The following GABRA3 variants were observed in gnomAD, a reference collection of about 807,000 sequenced individuals.
The protein encoded by GABRA3 is gamma-aminobutyric acid type A receptor subunit alpha3.
A neutral mutation model predicts 30.1 loss-of-function variants in GABRA3; 10 were observed. The observed-to-expected ratio is 0.33, with a 90% CI of 0.20 to 0.56. The LOEUF (loss-of-function observed/expected upper bound fraction) is 0.56, where lower values mean the gene tolerates loss of function less well. Among genes scored for constraint, GABRA3 ranks in the 20% least tolerant of loss-of-function variants. The pLI is 0.89. For missense variants in GABRA3, 233 were observed against 392.0 expected (o/e 0.59, Z 3.42); for synonymous variants, 151 against 146.8 (o/e 1.03, Z -0.21).
intron 1 of GABRA3, among the ~76,000 whole-genome samples, chrX:152,407,107 C>T (rs1438392050): frequency 9.0e-6 from 1 of 111,420 alleles, no homozygotes; most frequent in Admixed American, 9.5e-5. Flanking sequence ...AAGTTTTTAG[C>T]ATAAACACCT....
chrX:152,389,199 C>T (rs974962108), intron 1 of GABRA3: 2 of 111,882 alleles, frequency 1.8e-5, no homozygotes, highest in Non-Finnish European at 3.8e-5. Flanking sequence ...AAAAGAAAAC[C>T]TCGGCATAGA....
chrX:152,414,654 A>G, intron 1 of GABRA3, among the ~76,000 whole-genome samples: 1 of 110,654 alleles, frequency 9.0e-6, no homozygotes, highest in Non-Finnish European at 1.9e-5. Flanking sequence ...ACATACTTTT[A>G]CCATATGATC....
intron 3 of GABRA3, among the ~76,000 whole-genome samples, chrX:152,329,318 G>A (rs991557011): frequency 6.3e-5 from 7 of 111,475 alleles, no homozygotes; most frequent in East Asian, 2.8e-4. Flanking sequence ...GCTACCAATG[G>A]CTTTCTTCAC....
At chrX:152,265,098 C>T (rs1194665406) in intron 4 of GABRA3, among the ~76,000 whole-genome samples, 1 of 111,252 alleles carries the variant, frequency 9.0e-6, no homozygotes, top group Non-Finnish European at 1.9e-5. Flanking sequence ...TCCAGACAGA[C>T]AATCATCACA....
At chrX:152,338,752 T>C (rs1211077086) in intron 3 of GABRA3, among the ~76,000 whole-genome samples, 1 of 112,281 alleles carries the variant, frequency 8.9e-6, no homozygotes, top group African/African-American at 3.2e-5. Context: ...TGCATATAAT[T>C]ATCCAGTTTT....
Position 152,429,418 on chromosome X carries a change from G to A in GABRA3, c.-27+21728C>T, listed in dbSNP as rs188850713. On this transcript the variant is annotated intron_variant, in intron 1 of 9. Coordinates refer to ENST00000370314, the MANE Select transcript of GABRA3 (RefSeq NM_000808.4). The stretch of plus-strand genomic sequence containing the variant: ...CAACCAGAGGGGGCCATAAAAATGC[G>A]AATCAGATTGCTTTACTCCCTTGCT... Among the ~76,000 whole-genome samples the A allele has an allele frequency of 4.3e-3, 477 of 110,541 alleles. 2 individuals are homozygous for A. Among genetic ancestry groups the A allele is most frequent in the African/African-American group, 0.015 (457 of 30,344 alleles).
At chrX:152,432,884 A>C (rs1930681302) in intron 1 of GABRA3, among the ~76,000 whole-genome samples, 1 of 111,143 alleles carries the variant, frequency 9.0e-6, no homozygotes, top group African/African-American at 3.3e-5. Flanking sequence ...ATGATCTGTA[A>C]TCAAGCAGAT....
At chrX:152,424,513 C>T (rs772602719) in intron 1 of GABRA3, among the ~76,000 whole-genome samples, 21 of 111,566 alleles carry the variant, frequency 1.9e-4, no homozygotes, top group Non-Finnish European at 3.2e-4. Context: ...CATTTCATAA[C>T]CTGATTTGTC....
At chrX:152,341,680 C>T in intron 3 of GABRA3, among the ~76,000 whole-genome samples, 1 of 106,510 alleles carries the variant, frequency 9.4e-6, no homozygotes, top group Middle Eastern at 5.0e-3. Context: ...GCTGGGACTA[C>T]AGGCACACAC....
chrX:152,333,637 C>T (rs958793987), intron 3 of GABRA3, among the ~76,000 whole-genome samples: 2 of 111,468 alleles, frequency 1.8e-5, no homozygotes, highest in Non-Finnish European at 3.8e-5. Context: ...TGCCCTAATC[C>T]TCCTATATTG....
At chrX:152,402,002 C>A (rs1016836513) in intron 1 of GABRA3, among the ~76,000 whole-genome samples, 2 of 111,802 alleles carry the variant, frequency 1.8e-5, no homozygotes, top group Non-Finnish European at 3.8e-5. Flanking sequence ...CACCCACATA[C>A]CCCTCCCAAT....
At chrX:152,406,200 G>A (rs950344519) in intron 1 of GABRA3, among the ~76,000 whole-genome samples, 4 of 110,204 alleles carry the variant, frequency 3.6e-5, no homozygotes, top group African/African-American at 1.3e-4. Context: ...GAAAACAAAC[G>A]ACAAAATGGC....
At chrX:152,329,695 T>A (rs758501865) in intron 3 of GABRA3, among the ~76,000 whole-genome samples, 17 of 111,871 alleles carry the variant, frequency 1.5e-4, no homozygotes, top group Non-Finnish European at 2.8e-4. Flanking sequence ...CAAAAATTAA[T>A]TCAGGATGGA....
At chrX:152,233,763 A>T (rs1410126527) in intron 5 of GABRA3, among the ~76,000 whole-genome samples, 1 of 104,567 alleles carries the variant, frequency 9.6e-6, no homozygotes. Flanking sequence ...TTATTGCGGC[A>T]TTATTCACAA....
At chrX:152,352,435 T>A (rs150836754) in intron 2 of GABRA3, among the ~76,000 whole-genome samples, 56 of 111,823 alleles carry the variant, frequency 5.0e-4, no homozygotes, top group African/African-American at 1.8e-3. Flanking sequence ...CATTATCTTT[T>A]AGGCAATGGG....
chrX:152,228,249 T>C (rs1429854040), intron 5 of GABRA3, among the ~76,000 whole-genome samples: 1 of 112,038 alleles, frequency 8.9e-6, no homozygotes. Flanking sequence ...AGCATTGACA[T>C]GTTTAAGAAC....
chrX:152,229,397 C>T (rs1274714345), intron 5 of GABRA3, among the ~76,000 whole-genome samples: 1 of 110,968 alleles, frequency 9.0e-6, no homozygotes, highest in Non-Finnish European at 1.9e-5. Flanking sequence ...CCCTTCTCCC[C>T]CACATACATA....
At chrX:152,413,923 A>C (rs1930138885) in intron 1 of GABRA3, among the ~76,000 whole-genome samples, 1 of 111,043 alleles carries the variant, frequency 9.0e-6, no homozygotes, top group East Asian at 2.8e-4. Context: ...ACCAATAATG[A>C]GTTTGTCAAA....
At chrX:152,326,030 C>T (rs1191169133) in intron 3 of GABRA3, among the ~76,000 whole-genome samples, 1 of 111,189 alleles carries the variant, frequency 9.0e-6, no homozygotes, top group East Asian at 2.8e-4. Context: ...GAGCTGAAAA[C>T]CATGGCACTA....
Sources: allele counts gnomAD v4.1 joint callset (sites outside exome capture counted in the v4.1 genomes callset), GRCh38; gene constraint gnomAD v4.1.1; transcripts MANE v1.5; gene names NCBI Gene and HGNC (gene_info 2026-07-23, HGNC 2026-07-21).